The following HPSE2 variants were observed in gnomAD, a reference collection of about 807,000 sequenced individuals.
HPSE2 encodes heparanase 2 (inactive), also known as inactive heparanase-2.
HPSE2 carries 38 observed loss-of-function variants against 60.5 expected under a neutral mutation model. The ratio of observed to expected loss-of-function variants is 0.63; its 90% CI spans 0.48 to 0.82. The LOEUF (loss-of-function observed/expected upper bound fraction) is 0.82. Ranked by LOEUF, HPSE2 falls within the 40% of genes least tolerant of loss-of-function variation. The pLI, the probability that HPSE2 is intolerant of heterozygous loss-of-function variation, is 0.00. For missense variants in HPSE2, 713 were observed against 740.4 expected, an observed-to-expected ratio of 0.96 and a Z score of 0.43; for synonymous variants, 295 against 293.2, an observed-to-expected ratio of 1.01 and a Z score of -0.06.
At chr10:98,667,039 G>GAAA (rs55974722) in intron 6 of HPSE2, among the ~76,000 whole-genome samples, 648 of 150,424 alleles carry the variant, frequency 4.3e-3, no homozygotes, top group African/African-American at 0.015. Flanking sequence ...ATTAACAAAG[G>GAAA]AAAAAAAAAG....
intron 3 of HPSE2, among the ~76,000 whole-genome samples, chr10:99,040,422 A>C (rs1957711003): frequency 6.6e-6 from 1 of 152,168 alleles, no homozygotes; most frequent in East Asian, 1.9e-4. Flanking sequence ...CTTAATTTGT[A>C]TACCAATTTA....
intron 3 of HPSE2, among the ~76,000 whole-genome samples, chr10:99,114,643 G>A (rs1020195605): frequency 1.3e-5 from 2 of 152,084 alleles, no homozygotes; most frequent in African/African-American, 2.4e-5. Flanking sequence ...GGCTGGGTGC[G>A]GTGGCTCATG....
intron 3 of HPSE2, among the ~76,000 whole-genome samples, chr10:98,896,619 G>A (rs1287634214): frequency 6.6e-6 from 1 of 152,036 alleles, no homozygotes; most frequent in Non-Finnish European, 1.5e-5. Context: ...CCTAAAGTAA[G>A]CAGAAGAAAA....
chr10:99,101,640 G>C (rs1364766673), intron 3 of HPSE2, among the ~76,000 whole-genome samples: 2 of 152,194 alleles, frequency 1.3e-5, no homozygotes, highest in Non-Finnish European at 2.9e-5. Context: ...GGACCTAATA[G>C]ACATCTACAG....
At chr10:98,859,143 C>G (rs75438474) in intron 3 of HPSE2, among the ~76,000 whole-genome samples, 2 of 152,102 alleles carry the variant, frequency 1.3e-5, no homozygotes, top group Non-Finnish European at 2.9e-5. Context: ...TTTCTACATC[C>G]ATTGATAAGG....
intron 3 of HPSE2, among the ~76,000 whole-genome samples, chr10:99,002,770 A>T (rs1466344116): frequency 6.6e-6 from 1 of 152,102 alleles, no homozygotes; most frequent in Non-Finnish European, 1.5e-5. Context: ...TTTTTATTTA[A>T]TAGAAAAATA....
chr10:98,870,263 T>C (rs1254592053), intron 3 of HPSE2, among the ~76,000 whole-genome samples: 1 of 152,194 alleles, frequency 6.6e-6, no homozygotes, highest in Non-Finnish European at 1.5e-5. Flanking sequence ...ATAATTTAAT[T>C]GGCAACCAAA....
In HPSE2 at chr10:98,604,008, T is replaced by C. The variant is rs186328234; in HGVS notation, c.1320+10896A>G. 6.3e-4 allele frequency among the ~76,000 whole-genome samples: 96 copies of C among 152,288 alleles called. 1 individual carries two copies. The highest frequency in any genetic ancestry group is 1.8e-3 in the African/African-American group (76 of 41,564). ...AGTCTGAGACCTAATCATAGGACTA[T>C]AGGATGCTTCCTCTCCCCCCATACC... On this transcript the variant is annotated intron_variant, in intron 9 of 11. Transcript: ENST00000370552.
At chr10:98,771,617 A>C (rs1950242606) in intron 3 of HPSE2, among the ~76,000 whole-genome samples, 1 of 152,198 alleles carries the variant, frequency 6.6e-6, no homozygotes. Flanking sequence ...AGATGTATCA[A>C]TAGGAGCCAG....
chr10:98,962,900 A>G (rs1955715929), intron 3 of HPSE2, among the ~76,000 whole-genome samples: 2 of 152,178 alleles, frequency 1.3e-5, no homozygotes, highest in African/African-American at 4.8e-5. Context: ...CTTCAAGGAG[A>G]ACAACTATGT....
At chr10:99,144,874 G>A (rs1845991244) in intron 2 of HPSE2, among the ~76,000 whole-genome samples, 1 of 152,160 alleles carries the variant, frequency 6.6e-6, no homozygotes, top group Non-Finnish European at 1.5e-5. Context: ...CTGCCAGCCA[G>A]CCTACTCAGC....
At chr10:98,860,387 T>C (rs954972224) in intron 3 of HPSE2, among the ~76,000 whole-genome samples, 2 of 152,160 alleles carry the variant, frequency 1.3e-5, no homozygotes, top group Non-Finnish European at 1.5e-5. Flanking sequence ...AAGTCATACT[T>C]TCTACCTTTG....
chr10:99,065,117 T>C (rs117574211), intron 3 of HPSE2, among the ~76,000 whole-genome samples: 62 of 152,344 alleles, frequency 4.1e-4, no homozygotes, highest in Non-Finnish European at 7.1e-4. Flanking sequence ...ATTTTAAATT[T>C]GAACATATTT....
At chr10:98,795,850 G>C (rs779120851) in intron 3 of HPSE2, among the ~76,000 whole-genome samples, 2 of 152,164 alleles carry the variant, frequency 1.3e-5, no homozygotes, top group Non-Finnish European at 2.9e-5. Context: ...CACAGTAGGA[G>C]AGAGCACTGC....
intron 2 of HPSE2, among the ~76,000 whole-genome samples, chr10:99,218,425 C>T (rs1037313832): frequency 4.6e-5 from 7 of 152,016 alleles, no homozygotes; most frequent in African/African-American, 1.7e-4. Context: ...ATTCTTGATA[C>T]ACACCACATG....
chr10:98,528,552 G>A (rs1219812567), intron 9 of HPSE2, among the ~76,000 whole-genome samples: 15 of 152,156 alleles, frequency 9.9e-5, no homozygotes, highest in Admixed American at 9.8e-4. Flanking sequence ...GAAGCACGGT[G>A]TGTGCAGATC....
intron 9 of HPSE2, among the ~76,000 whole-genome samples, chr10:98,587,331 G>C (rs1248243687): frequency 1.3e-5 from 2 of 152,182 alleles, no homozygotes; most frequent in African/African-American, 4.8e-5. Context: ...AGCTCTGTGA[G>C]TCATATCATG....
chr10:99,310,379 G>A, the HPSE2 span, among the ~76,000 whole-genome samples: 1 of 152,100 alleles, frequency 6.6e-6, no homozygotes, highest in Admixed American at 6.6e-5. Context: ...TTGTAACCTT[G>A]TAATTGATTA....
intron 3 of HPSE2, among the ~76,000 whole-genome samples, chr10:98,975,822 A>T (rs138941512): frequency 1.3e-5 from 2 of 152,174 alleles, no homozygotes; most frequent in African/African-American, 4.8e-5. Context: ...ATTGTTGGAC[A>T]TCGGGGGTTC....
Sources: allele counts gnomAD v4.1 joint callset (sites outside exome capture counted in the v4.1 genomes callset), GRCh38; gene constraint gnomAD v4.1.1; transcripts MANE v1.5; gene names NCBI Gene and HGNC (gene_info 2026-07-23, HGNC 2026-07-21).